STX8: variants seen among roughly 807,000 people sequenced by gnomAD.
The protein encoded by STX8 is syntaxin 8, also known as syntaxin-8.
Under a neutral mutation model 37.5 loss-of-function variants are expected in STX8, and 23 were observed. The observed-to-expected ratio is 0.61, with a 90% CI of 0.44 to 0.87. STX8 has a LOEUF of 0.87. Among genes scored for constraint, STX8 ranks in the 40% least tolerant of loss-of-function variants. STX8 has a pLI of 0.00. For synonymous variants in STX8, 115 were observed against 99.1 expected (o/e 1.16, Z -0.95); for missense variants, 313 against 284.7 (o/e 1.10, Z -0.71).
intron 6 of STX8, among the ~76,000 whole-genome samples, chr17:9,473,657 C>T (rs1905975013): frequency 6.6e-6 from 1 of 151,714 alleles, no homozygotes; most frequent in South Asian, 2.1e-4. Context: ...ATTCAACCAT[C>T]CATTTTTAAA....
At chr17:9,462,498 G>C (rs546682196) in intron 6 of STX8, among the ~76,000 whole-genome samples, 2 of 152,160 alleles carry the variant, frequency 1.3e-5, no homozygotes, top group Non-Finnish European at 2.9e-5. Context: ...GAGGTGGGAG[G>C]ATCACTTGAA....
intron 6 of STX8, among the ~76,000 whole-genome samples, chr17:9,472,344 C>T (rs1490061861): frequency 1.3e-5 from 2 of 152,190 alleles, no homozygotes; most frequent in African/African-American, 4.8e-5. Context: ...TGCTAGTATT[C>T]ACTTGGGGGT....
At chr17:9,541,317 A>T (rs1047627496) in intron 4 of STX8, among the ~76,000 whole-genome samples, 1 of 152,168 alleles carries the variant, frequency 6.6e-6, no homozygotes, top group African/African-American at 2.4e-5. Context: ...AATGGAGGGC[A>T]GAGGACCAGG....
chr17:9,284,250 T>C (rs1450720704), intron 7 of STX8, among the ~76,000 whole-genome samples: 1 of 152,220 alleles, frequency 6.6e-6, no homozygotes, highest in Non-Finnish European at 1.5e-5. Context: ...TATGTACAAT[T>C]GTATGGTTTG....
chr17:9,266,108 G>A (rs1224515320), intron 7 of STX8, among the ~76,000 whole-genome samples: 4 of 152,168 alleles, frequency 2.6e-5, no homozygotes, highest in African/African-American at 9.7e-5. Flanking sequence ...ATCCTTAAAC[G>A]TTAATAAGAT....
intron 6 of STX8, among the ~76,000 whole-genome samples, chr17:9,485,651 T>C (rs929774264): frequency 3.3e-5 from 5 of 151,240 alleles, no homozygotes; most frequent in Non-Finnish European, 5.9e-5. Context: ...AGTGGCGTGA[T>C]CTCAGCTCAC....
At chr17:9,452,249 T>A (rs527495966) in intron 6 of STX8, 18 of 152,078 alleles carry the variant, frequency 1.2e-4, no homozygotes, top group African/African-American at 4.1e-4. Context: ...CTGAAACAAT[T>A]AGCTTTATTT....
At chr17:9,500,504 G>C (rs1211924234) in intron 5 of STX8, among the ~76,000 whole-genome samples, 1 of 152,120 alleles carries the variant, frequency 6.6e-6, no homozygotes, top group Admixed American at 6.5e-5. Context: ...GTGGTTAGAG[G>C]ATGTAGGGCA....
intron 7 of STX8, among the ~76,000 whole-genome samples, chr17:9,275,528 G>A (rs1907640986): frequency 6.6e-6 from 1 of 152,150 alleles, no homozygotes; most frequent in East Asian, 1.9e-4. Context: ...CTTCCCATCT[G>A]TGTGATCATG....
rs143834232 is a variant in STX8, at chr17:9,460,171, G to A, written c.541+31658C>T. ...TGGGAATGATAAAGGAGATGAAGGG[G>A]CTTCAGAGTGTATGAAAGGGTTAAA... On this transcript the variant is annotated intron_variant, in intron 6 of 7. Transcript: ENST00000306357. Among the ~76,000 whole-genome samples the A allele has an allele frequency of 5.2e-3, 784 of 152,186 alleles. 6 individuals carry two copies. Among genetic ancestry groups the A allele is most frequent in the Non-Finnish European group, 7.7e-3 (522 of 68,002 alleles).
At chr17:9,427,996 T>A (rs1039470548) in intron 6 of STX8, among the ~76,000 whole-genome samples, 1 of 152,256 alleles carries the variant, frequency 6.6e-6, no homozygotes, top group Admixed American at 6.5e-5. Flanking sequence ...TGCTTTTCAG[T>A]TGAGCTGACT....
chr17:9,472,765 T>C (rs1025596387), intron 6 of STX8, among the ~76,000 whole-genome samples: 2 of 152,144 alleles, frequency 1.3e-5, no homozygotes, highest in African/African-American at 4.8e-5. Context: ...AGGCCAGCTG[T>C]CCCAGGGCCT....
intron 7 of STX8, among the ~76,000 whole-genome samples, chr17:9,373,066 T>C (rs1911464310): frequency 6.8e-6 from 1 of 147,686 alleles, no homozygotes; most frequent in African/African-American, 2.5e-5. Context: ...GTCATGCCAT[T>C]GCACTCCAGC....
chr17:9,550,096 C>T (rs556678797), intron 3 of STX8, among the ~76,000 whole-genome samples: 26 of 152,072 alleles, frequency 1.7e-4, no homozygotes, highest in South Asian at 1.7e-3. Flanking sequence ...TGGTGGCACA[C>T]GCCTGTAGTC....
chr17:9,501,782 G>A (rs1394658654), intron 5 of STX8, among the ~76,000 whole-genome samples: 2 of 151,928 alleles, frequency 1.3e-5, no homozygotes, highest in Non-Finnish European at 2.9e-5. Context: ...AACCAGCATG[G>A]CTAACACGGT....
chr17:9,364,149 C>CGCAGGGT (rs1271585617), intron 7 of STX8, among the ~76,000 whole-genome samples: 4 of 152,224 alleles, frequency 2.6e-5, no homozygotes, highest in Middle Eastern at 3.4e-3. Flanking sequence ...CATGAGCAAT[C>CGCAGGGT]GCAGGGTACA....
chr17:9,513,502 C>T (rs1451055635), intron 4 of STX8, among the ~76,000 whole-genome samples: 2 of 152,130 alleles, frequency 1.3e-5, no homozygotes, highest in Non-Finnish European at 2.9e-5. Context: ...CTTAGAATGG[C>T]TATCATCAAA....
chr17:9,462,001 G>A (rs990106582), intron 6 of STX8, among the ~76,000 whole-genome samples: 60 of 152,110 alleles, frequency 3.9e-4, no homozygotes, highest in African/African-American at 1.4e-3. Flanking sequence ...GCGGAGCTCA[G>A]GCGGTAATGC....
intron 3 of STX8, among the ~76,000 whole-genome samples, chr17:9,546,238 A>G (rs1906501595): frequency 6.6e-6 from 1 of 152,246 alleles, no homozygotes; most frequent in African/African-American, 2.4e-5. Context: ...CAAACACGCT[A>G]GACTAGGAGC....
Sources: allele counts gnomAD v4.1 joint callset (sites outside exome capture counted in the v4.1 genomes callset), GRCh38; gene constraint gnomAD v4.1.1; transcripts MANE v1.5; gene names NCBI Gene and HGNC (gene_info 2026-07-23, HGNC 2026-07-21).